Variants in R3HCC1L observed in about 807,000 individuals in gnomAD.
R3HCC1L encodes the protein coiled-coil domain-containing protein R3HCC1L.
In R3HCC1L, 51 loss-of-function variants were observed where a neutral mutation model predicts 59.9. The observed-to-expected ratio is 0.85, with a 90% CI of 0.68 to 1.07. The LOEUF (loss-of-function observed/expected upper bound fraction) is 1.07. Among genes scored for constraint, R3HCC1L ranks in the 50% least tolerant of loss-of-function variants. The pLI is 0.00. For synonymous variants in R3HCC1L, 322 were observed against 315.2 expected (o/e 1.02, Z -0.23); for missense variants, 965 against 933.0 (o/e 1.03, Z -0.45).
intron 1 of R3HCC1L, among the ~76,000 whole-genome samples, chr10:98,135,848 C>T (rs1352628973): frequency 2.0e-5 from 3 of 152,190 alleles, no homozygotes; most frequent in Non-Finnish European, 4.4e-5. Flanking sequence ...TGTACTACAA[C>T]TAATACCTGT....
intron 2 of R3HCC1L, among the ~76,000 whole-genome samples, chr10:98,156,940 C>T (rs6584172): frequency 6.6e-6 from 1 of 152,008 alleles, no homozygotes; most frequent in African/African-American, 2.4e-5. Flanking sequence ...TCTAGGAAAC[C>T]GTACATGGTA....
At chr10:98,169,291 G>A (rs1354040649) in intron 4 of R3HCC1L, among the ~76,000 whole-genome samples, 4 of 152,190 alleles carry the variant, frequency 2.6e-5, no homozygotes, top group Admixed American at 2.0e-4. Context: ...GTCTAGTCTA[G>A]TAGTTAAGTG....
chr10:98,184,142 T>C (rs1849978125), intron 4 of R3HCC1L, among the ~76,000 whole-genome samples: 1 of 152,108 alleles, frequency 6.6e-6, no homozygotes, highest in Non-Finnish European at 1.5e-5. Context: ...GCTTAAAGTT[T>C]CTCTAGCATT....
chr10:98,223,319 C>G (rs1219533157), intron 5 of R3HCC1L, among the ~76,000 whole-genome samples: 1 of 152,124 alleles, frequency 6.6e-6, no homozygotes, highest in Non-Finnish European at 1.5e-5. Context: ...AATGCAGCAG[C>G]ACATCAAAAA....
chr10:98,183,030 C>G (rs1849812222), intron 4 of R3HCC1L, among the ~76,000 whole-genome samples: 1 of 152,042 alleles, frequency 6.6e-6, no homozygotes. Flanking sequence ...TTCAGCTCAC[C>G]CTCTGTCGGC....
At chr10:98,218,037 A>G (rs925255612) in intron 5 of R3HCC1L, among the ~76,000 whole-genome samples, 3 of 152,152 alleles carry the variant, frequency 2.0e-5, no homozygotes, top group African/African-American at 7.2e-5. Flanking sequence ...TAGGACTTCA[A>G]GTACTACGAT....
intron 6 of R3HCC1L, among the ~76,000 whole-genome samples, chr10:98,232,343 T>C (rs1010368396): frequency 6.6e-6 from 1 of 152,136 alleles, no homozygotes; most frequent in Non-Finnish European, 1.5e-5. Flanking sequence ...TCTGCTCCTG[T>C]TTCATTGGTT....
At chr10:98,177,229 G>A (rs578084082) in intron 4 of R3HCC1L, among the ~76,000 whole-genome samples, 6 of 151,850 alleles carry the variant, frequency 4.0e-5, no homozygotes, top group Admixed American at 1.3e-4. Flanking sequence ...CCCTTCCTGT[G>A]TCCAAGTGTT....
At chr10:98,190,697 A>G (rs1850733444) in intron 4 of R3HCC1L, among the ~76,000 whole-genome samples, 1 of 152,122 alleles carries the variant, frequency 6.6e-6, no homozygotes, top group Non-Finnish European at 1.5e-5. Flanking sequence ...GTACATGTGC[A>G]CAACCTGCAC....
At chr10:98,156,940 C>A (rs6584172) in intron 2 of R3HCC1L, among the ~76,000 whole-genome samples, 61,199 of 152,064 alleles carry the variant, frequency 0.4, 12,826 homozygotes, top group South Asian at 0.57. Flanking sequence ...TCTAGGAAAC[C>A]GTACATGGTA....
chr10:98,198,231 T>C (rs947415315), intron 4 of R3HCC1L, among the ~76,000 whole-genome samples: 5 of 152,118 alleles, frequency 3.3e-5, no homozygotes, highest in African/African-American at 1.2e-4. Flanking sequence ...TTTAAAAGTG[T>C]ATAATTATCT....
intron 5 of R3HCC1L, among the ~76,000 whole-genome samples, chr10:98,212,330 TC>T (rs1446501587): frequency 1.3e-5 from 2 of 152,178 alleles, no homozygotes; most frequent in African/African-American, 2.4e-5. Context: ...TTTTTGGCTA[TC>T]ATCCCAGCTG....
At chr10:98,207,358 A>G (rs10509720) in intron 4 of R3HCC1L, among the ~76,000 whole-genome samples, 48,842 of 152,012 alleles carry the variant, frequency 0.32, 8,020 homozygotes, top group East Asian at 0.48. Context: ...TCTTCTTGTT[A>G]AATTCCATTG....
chr10:98,169,164 C>T (rs558913756), intron 4 of R3HCC1L, among the ~76,000 whole-genome samples: 24 of 152,132 alleles, frequency 1.6e-4, no homozygotes, highest in Non-Finnish European at 2.4e-4. Flanking sequence ...TCTCCTTTTA[C>T]GGCAGCAGTC....
chr10:98,136,533 T>C (rs1222191361), intron 1 of R3HCC1L, among the ~76,000 whole-genome samples: 2 of 152,214 alleles, frequency 1.3e-5, no homozygotes, highest in African/African-American at 4.8e-5. Flanking sequence ...ATATAGTATT[T>C]TTAATAATTT....
intron 4 of R3HCC1L, among the ~76,000 whole-genome samples, chr10:98,167,003 A>G (rs760613912): frequency 3.3e-5 from 5 of 152,146 alleles, no homozygotes; most frequent in Non-Finnish European, 7.4e-5. Context: ...AGTGATGTCA[A>G]TACAATATGT....
intron 1 of R3HCC1L, among the ~76,000 whole-genome samples, chr10:98,154,182 C>CAA (rs61379048): frequency 1.1e-3 from 105 of 92,814 alleles, no homozygotes; most frequent in East Asian, 3.2e-3. Flanking sequence ...AGAGAATAAG[C>CAA]AAAAAAAAAA....
intron 4 of R3HCC1L, among the ~76,000 whole-genome samples, chr10:98,187,976 T>G (rs1165201594): frequency 6.6e-6 from 1 of 152,064 alleles, no homozygotes; most frequent in Non-Finnish European, 1.5e-5. Flanking sequence ...CTCCTGGACT[T>G]AAGTGATCCT....
chr10:98,173,323 C>A (rs750029442), intron 4 of R3HCC1L, among the ~76,000 whole-genome samples: 4 of 152,144 alleles, frequency 2.6e-5, no homozygotes, highest in Non-Finnish European at 2.9e-5. Context: ...CTGGTACCAT[C>A]CCTAGCCATA....
Sources: gnomAD v4.1 joint callset for allele counts (sites outside exome capture counted in the v4.1 genomes callset) on GRCh38, gnomAD v4.1.1 for gene constraint, MANE v1.5 for transcripts, NCBI Gene and HGNC (gene_info 2026-07-23, HGNC 2026-07-21) for gene names.